The following TRIM6 variants were observed in gnomAD, a reference collection of about 807,000 sequenced individuals.
TRIM6 encodes the protein tripartite motif containing 6, also known as tripartite motif-containing protein 6.
A neutral mutation model predicts 51.2 loss-of-function variants in TRIM6; 43 were observed. That is an observed-to-expected ratio of 0.84 (90% CI 0.66 to 1.08). The LOEUF is 1.08. Among genes scored for constraint, TRIM6 ranks in the 50% least tolerant of loss-of-function variants. The pLI is 0.00. For synonymous variants in TRIM6, 215 were observed against 232.4 expected, an observed-to-expected ratio of 0.93 and a Z score of 0.68; for missense variants, 669 against 619.0, an observed-to-expected ratio of 1.08 and a Z score of -0.86.
intron 1 of TRIM6, among the ~76,000 whole-genome samples, chr11:5,599,494 T>C (rs957116633): frequency 1.3e-5 from 2 of 152,040 alleles, no homozygotes; most frequent in African/African-American, 4.8e-5. Flanking sequence ...AGCTCCACCT[T>C]CCGGGTTCAC....
chr11:5,608,950 T>C (rs1848397600), intron 5 of TRIM6, among the ~76,000 whole-genome samples: 1 of 149,620 alleles, frequency 6.7e-6, no homozygotes, highest in South Asian at 2.2e-4. Flanking sequence ...CCGTGAATTT[T>C]ATCAGAGTGA....
At position 5,608,395 on chromosome 11, in the gene TRIM6, G is replaced by C; in HGVS notation, c.857+1G>C. 5 of 1,613,694 alleles carry C rather than the reference G, an allele frequency of 3.1e-6. No individual in the cohort carries two copies. Among genetic ancestry groups the C allele is most frequent in the Non-Finnish European group, 4.2e-6 (5 of 1,179,768 alleles). Reference sequence around the variant, plus strand: ...AGGATGTGAGTGATGTCACAGAAAGGTATGTGTAAGGAGAACATGAGGTAG... The same window carrying C: ...AGGATGTGAGTGATGTCACAGAAAGCTATGTGTAAGGAGAACATGAGGTAG... On this transcript the variant is annotated splice_donor_variant, in intron 5 of 7. Coordinates refer to ENST00000380097, the MANE Select transcript of TRIM6 (RefSeq NM_001003818.3). LOFTEE classifies it high-confidence loss of function.
At chr11:5,608,491 A>C in intron 5 of TRIM6, 97 bp downstream of exon 5, 5 of 1,562,772 alleles carry the variant, frequency 3.2e-6, no homozygotes, top group Non-Finnish European at 4.4e-6. Context: ...AGAGTGGGGA[A>C]GATTCAAGAG....
chr11:5,599,344 T>C (rs927375279), intron 1 of TRIM6, among the ~76,000 whole-genome samples: 1 of 152,084 alleles, frequency 6.6e-6, no homozygotes, highest in Non-Finnish European at 1.5e-5. Context: ...TGAATTGGAA[T>C]TGGACTTTCA....
Sources: allele counts gnomAD v4.1 joint callset (sites outside exome capture counted in the v4.1 genomes callset), GRCh38; gene constraint gnomAD v4.1.1; transcripts MANE v1.5; gene names NCBI Gene and HGNC (gene_info 2026-07-23, HGNC 2026-07-21).